The following FHIT variants were observed in gnomAD, a reference collection of about 807,000 sequenced individuals.
The protein encoded by FHIT is bis(5'-adenosyl)-triphosphatase.
FHIT carries 19 observed loss-of-function variants against 17.9 expected under a neutral mutation model. The ratio of observed to expected loss-of-function variants is 1.06; its 90% CI spans 0.74 to 1.56. The LOEUF (loss-of-function observed/expected upper bound fraction) is 1.56. Among genes scored for constraint, FHIT ranks in the 40% most tolerant of loss-of-function variants. The pLI is 0.00. For synonymous variants in FHIT, 81 were observed against 69.7 expected, an observed-to-expected ratio of 1.16 and a Z score of -0.81; for missense variants, 248 against 189.2, an observed-to-expected ratio of 1.31 and a Z score of -1.82.
chr3:60,136,011 A>G (rs564128884), intron 5 of FHIT, among the ~76,000 whole-genome samples: 2 of 152,238 alleles, frequency 1.3e-5, no homozygotes, highest in Non-Finnish European at 2.9e-5. Flanking sequence ...TATTTGAGTA[A>G]TTGCTGGTTT....
chr3:61,046,581 G>A (rs546814961), intron 2 of FHIT, among the ~76,000 whole-genome samples: 14 of 152,198 alleles, frequency 9.2e-5, no homozygotes, highest in East Asian at 1.9e-4. Context: ...ACCTGGTACC[G>A]TTGCTTCTGA....
chr3:60,620,722 C>T (rs116840156), intron 4 of FHIT, among the ~76,000 whole-genome samples: 1,857 of 152,120 alleles, frequency 0.012, 47 homozygotes, highest in African/African-American at 0.043. Flanking sequence ...AATGATATAA[C>T]AGTGGTTGCA....
intron 3 of FHIT, among the ~76,000 whole-genome samples, chr3:61,017,249 A>T (rs1575844565): frequency 6.6e-6 from 1 of 152,342 alleles, no homozygotes; most frequent in South Asian, 2.1e-4. Context: ...AGATTGCGCC[A>T]CTGCACTCCA....
intron 2 of FHIT, among the ~76,000 whole-genome samples, chr3:61,138,878 T>C (rs1391588080): frequency 2.0e-5 from 3 of 152,112 alleles, no homozygotes; most frequent in Admixed American, 6.5e-5. Context: ...ACCATTTGAC[T>C]TCAAAATGTT....
At chr3:60,137,451 C>T (rs975179141) in intron 5 of FHIT, among the ~76,000 whole-genome samples, 7 of 152,184 alleles carry the variant, frequency 4.6e-5, no homozygotes, top group Non-Finnish European at 8.8e-5. Flanking sequence ...GTGAGTTAAA[C>T]TGAGGAAACA....
intron 4 of FHIT, among the ~76,000 whole-genome samples, chr3:60,805,402 T>C (rs530196030): frequency 6.6e-5 from 10 of 152,216 alleles, no homozygotes; most frequent in African/African-American, 1.7e-4. Flanking sequence ...TATGGCTGCC[T>C]TTTCGTTCAC....
chr3:59,870,605 T>C (rs1702873596), intron 8 of FHIT, among the ~76,000 whole-genome samples: 1 of 152,132 alleles, frequency 6.6e-6, no homozygotes, highest in South Asian at 2.1e-4. Flanking sequence ...GAGAGCCCCA[T>C]TAATAAGGAA....
At chr3:60,077,241 C>A in intron 5 of FHIT, 1 of 151,820 alleles carries the variant, frequency 6.6e-6, no homozygotes, top group African/African-American at 2.4e-5. Context: ...AATATATAAA[C>A]TGAGAGATAT....
At chr3:60,616,177 C>T (rs2038945072) in intron 4 of FHIT, among the ~76,000 whole-genome samples, 3 of 152,102 alleles carry the variant, frequency 2.0e-5, no homozygotes, top group Admixed American at 2.0e-4. Flanking sequence ...GGTAGTGTCA[C>T]CTGTTTGGAT....
chr3:59,877,981 C>T (rs964662750), intron 8 of FHIT, among the ~76,000 whole-genome samples: 1 of 152,156 alleles, frequency 6.6e-6, no homozygotes, highest in Non-Finnish European at 1.5e-5. Flanking sequence ...TTCACCTTAA[C>T]TGCTTACTTT....
At chr3:60,243,665 G>A (rs994158502) in intron 5 of FHIT, among the ~76,000 whole-genome samples, 1 of 152,054 alleles carries the variant, frequency 6.6e-6, no homozygotes, top group Non-Finnish European at 1.5e-5. Flanking sequence ...TCTTGAACAG[G>A]GTAACACCTA....
chr3:61,227,230 C>T (rs757289884), intron 1 of FHIT, among the ~76,000 whole-genome samples: 2 of 152,098 alleles, frequency 1.3e-5, no homozygotes, highest in East Asian at 1.9e-4. Context: ...GAGTAAATGA[C>T]GCCATCAAGT....
chr3:59,830,517 C>T (rs1489662873), intron 8 of FHIT, among the ~76,000 whole-genome samples: 1 of 152,140 alleles, frequency 6.6e-6, no homozygotes, highest in East Asian at 1.9e-4. Context: ...TTTGCGATTC[C>T]AAAAGCAATC....
At chr3:60,652,519 G>A (rs1465634192) in intron 4 of FHIT, among the ~76,000 whole-genome samples, 1 of 152,072 alleles carries the variant, frequency 6.6e-6, no homozygotes. Flanking sequence ...GGATCATGAG[G>A]TCAGGATATC....
At chr3:60,671,951 G>GA (rs535801794) in intron 4 of FHIT, among the ~76,000 whole-genome samples, 10 of 150,686 alleles carry the variant, frequency 6.6e-5, no homozygotes, top group Non-Finnish European at 1.3e-4. Context: ...ACTCTGTCTT[G>GA]AAAAAAAAAT....
intron 4 of FHIT, among the ~76,000 whole-genome samples, chr3:60,796,896 T>C (rs1701000082): frequency 6.6e-6 from 1 of 152,232 alleles, no homozygotes; most frequent in Non-Finnish European, 1.5e-5. Flanking sequence ...TAAAACTGAT[T>C]TCTAATTTAT....
chr3:60,811,091 C>A (rs1453992678), intron 4 of FHIT, among the ~76,000 whole-genome samples: 3 of 151,976 alleles, frequency 2.0e-5, no homozygotes, highest in African/African-American at 7.3e-5. Flanking sequence ...TGAACAAGAT[C>A]GTAAAAGTCT....
chr3:60,533,268 G>T (rs1298144737), intron 5 of FHIT, among the ~76,000 whole-genome samples: 1 of 152,152 alleles, frequency 6.6e-6, no homozygotes, highest in African/African-American at 2.4e-5. Context: ...ATGGGAAACG[G>T]GAAAAGGTGG....
At chr3:59,993,134 C>T (rs3772502) in intron 7 of FHIT, among the ~76,000 whole-genome samples, 49,968 of 151,924 alleles carry the variant, frequency 0.33, 10,016 homozygotes, top group East Asian at 0.52. Context: ...TTCTTACATC[C>T]GGGAAATTTC....
Sources: allele counts gnomAD v4.1 joint callset (sites outside exome capture counted in the v4.1 genomes callset), GRCh38; gene constraint gnomAD v4.1.1; transcripts MANE v1.5; gene names NCBI Gene and HGNC (gene_info 2026-07-23, HGNC 2026-07-21).